TSGA10: variants seen among roughly 807,000 people sequenced by gnomAD.
TSGA10 encodes testis-specific gene 10 protein.
TSGA10 carries 43 observed loss-of-function variants against 96.6 expected under a neutral mutation model. That is an observed-to-expected ratio of 0.44 (90% CI 0.35 to 0.57). TSGA10 has a LOEUF of 0.57. Among genes scored for constraint, TSGA10 ranks in the 20% least tolerant of loss-of-function variants. The probability of loss-of-function intolerance (pLI) is 0.01; values close to 1 mark genes in which losing one functional copy is unlikely to be tolerated. For synonymous variants in TSGA10, 229 were observed against 269.9 expected, an observed-to-expected ratio of 0.85 and a Z score of 1.48; for missense variants, 703 against 834.4, an observed-to-expected ratio of 0.84 and a Z score of 1.94.
chr2:99,142,577 A>G (rs577680226), intron 1 of TSGA10, among the ~76,000 whole-genome samples: 2 of 152,324 alleles, frequency 1.3e-5, no homozygotes, highest in Admixed American at 1.3e-4. Context: ...GATATCATAT[A>G]CTTTGTAAGT....
intron 17 of TSGA10, among the ~76,000 whole-genome samples, chr2:99,022,324 C>CAAAA (rs56381088): frequency 9.1e-5 from 4 of 43,906 alleles, no homozygotes; most frequent in Admixed American, 3.1e-4. Context: ...GACCCTGTCT[C>CAAAA]AAAAAAAAAA....
At chr2:99,058,244 T>G (rs184366225) in intron 16 of TSGA10, among the ~76,000 whole-genome samples, 253 of 152,308 alleles carry the variant, frequency 1.7e-3, no homozygotes, top group Middle Eastern at 6.8e-3. Flanking sequence ...CACTATTAAA[T>G]TGTATACTTT....
At chr2:99,043,144 G>A (rs886966863) in intron 16 of TSGA10, among the ~76,000 whole-genome samples, 2 of 151,200 alleles carry the variant, frequency 1.3e-5, no homozygotes, top group Non-Finnish European at 2.9e-5. Context: ...AAGATATGAT[G>A]ACAATGTCTC....
chr2:99,130,680 G>A (rs544709573), intron 1 of TSGA10, among the ~76,000 whole-genome samples: 1 of 152,120 alleles, frequency 6.6e-6, no homozygotes, highest in Non-Finnish European at 1.5e-5. Context: ...TGGTGTTTTA[G>A]TCATGAAGTC....
At chr2:99,060,395 C>T (rs1372983600) in intron 16 of TSGA10, among the ~76,000 whole-genome samples, 1 of 152,000 alleles carries the variant, frequency 6.6e-6, no homozygotes, top group Non-Finnish European at 1.5e-5. Context: ...ATATTTAATA[C>T]CTATACACTG....
At chr2:99,071,952 T>C in intron 13 of TSGA10, 78 bp from the exon 14 acceptor site, 1 of 1,298,328 alleles carries the variant, frequency 7.7e-7, no homozygotes, top group Non-Finnish European at 1.1e-6. Context: ...AGACAGAAGA[T>C]GGACAGTTAG....
intron 10 of TSGA10, among the ~76,000 whole-genome samples, chr2:99,087,097 G>A (rs1350700979): frequency 6.6e-6 from 1 of 152,112 alleles, no homozygotes; most frequent in Non-Finnish European, 1.5e-5. Context: ...CCAGCTACTG[G>A]GGAGGCTGAG....
intron 10 of TSGA10, among the ~76,000 whole-genome samples, chr2:99,089,669 C>T (rs1161447266): frequency 6.6e-6 from 1 of 152,122 alleles, no homozygotes; most frequent in Non-Finnish European, 1.5e-5. Flanking sequence ...CTGCATGACA[C>T]AGGAGAGGCA....
intron 17 of TSGA10, among the ~76,000 whole-genome samples, chr2:99,022,029 C>T (rs2080069781): frequency 6.6e-6 from 1 of 151,860 alleles, no homozygotes; most frequent in South Asian, 2.1e-4. Flanking sequence ...TTCATCATCC[C>T]AAAAAGAAAC....
intron 20 of TSGA10, among the ~76,000 whole-genome samples, chr2:99,014,758 AAAG>A (rs2079343000): frequency 6.6e-6 from 1 of 152,180 alleles, no homozygotes; most frequent in African/African-American, 2.4e-5. Context: ...TTAACCAAGA[AAAG>A]AAGAGAGAAG....
intron 1 of TSGA10, among the ~76,000 whole-genome samples, chr2:99,140,284 T>C (rs939798802): frequency 3.3e-5 from 5 of 152,316 alleles, no homozygotes; most frequent in African/African-American, 1.2e-4. Flanking sequence ...CCTACTTCTA[T>C]AACTAACCTG....
intron 16 of TSGA10, among the ~76,000 whole-genome samples, chr2:99,040,723 T>C (rs1018180047): frequency 1.9e-4 from 29 of 151,920 alleles, no homozygotes; most frequent in African/African-American, 6.5e-4. Context: ...AGGCAATTCC[T>C]ATCAAAATAC....
intron 3 of TSGA10, among the ~76,000 whole-genome samples, chr2:99,118,174 G>C (rs954664019): frequency 6.6e-6 from 1 of 151,828 alleles, no homozygotes; most frequent in East Asian, 1.9e-4. Flanking sequence ...TTTTAGGCCA[G>C]GCATGGTGAC....
At position 99,078,806 on chromosome 2, in the gene TSGA10, A is replaced by G. The variant is rs2087063689; in HGVS notation, c.735T>C (p.Phe245=). The stretch of plus-strand genomic sequence containing the variant: ...CTCGCTGTGCAATATTTTGCCTTGT[A>G]AAGTTATCTATGTATGCAATCATAA... ...IMCLDEKIDN[F]TRQNIAQREE... Residue 245 remains phenylalanine, a synonymous_variant, in exon 12 of 21, where the codon TTT becomes TTC. Transcript: ENST00000393483. 5 of 1,610,962 alleles carry G rather than the reference A, an allele frequency of 3.1e-6. No individual in the cohort carries two copies. The highest frequency in any genetic ancestry group is 4.2e-6 in the Non-Finnish European group (5 of 1,179,256).
intron 17 of TSGA10, 127 bp from the exon 18 acceptor site, chr2:99,020,609 TTG>T: frequency 1.6e-6 from 1 of 641,752 alleles, no homozygotes; most frequent in Non-Finnish European, 2.7e-6. Flanking sequence ...TGATTTGAAA[TTG>T]TGTCCCTCCT....
intron 10 of TSGA10, among the ~76,000 whole-genome samples, chr2:99,101,360 G>A (rs1040471605): frequency 6.6e-5 from 10 of 151,086 alleles, no homozygotes; most frequent in African/African-American, 2.4e-4. Flanking sequence ...TAGAGACAAG[G>A]TCTTGCTATG....
At chr2:99,012,577 G>T (rs1433661367) in intron 20 of TSGA10, among the ~76,000 whole-genome samples, 7 of 151,978 alleles carry the variant, frequency 4.6e-5, no homozygotes, top group Admixed American at 3.3e-4. Context: ...GTAAAAAAAA[G>T]AAAAAGAGGG....
At chr2:99,001,554 C>A (rs1472399797) in intron 20 of TSGA10, among the ~76,000 whole-genome samples, 1 of 152,106 alleles carries the variant, frequency 6.6e-6, no homozygotes, top group African/African-American at 2.4e-5. Context: ...GCTGAAAATT[C>A]CAAAAATCAG....
At chr2:99,049,806 C>A (rs975325150) in intron 16 of TSGA10, among the ~76,000 whole-genome samples, 1 of 151,548 alleles carries the variant, frequency 6.6e-6, no homozygotes, top group African/African-American at 2.4e-5. Flanking sequence ...TTGGCAGATC[C>A]ACCATATAAG....
Sources: allele counts gnomAD v4.1 joint callset (sites outside exome capture counted in the v4.1 genomes callset), GRCh38; gene constraint gnomAD v4.1.1; transcripts MANE v1.5; gene names NCBI Gene and HGNC (gene_info 2026-07-23, HGNC 2026-07-21).